Variants in FOXP2 observed in about 807,000 individuals in gnomAD.
FOXP2 encodes forkhead box protein P2.
In FOXP2, 12 loss-of-function variants were observed where a neutral mutation model predicts 115.8. The observed-to-expected ratio is 0.10, with a 90% confidence interval of 0.07 to 0.17. FOXP2 has a LOEUF of 0.17. FOXP2 is among the 10% of genes least tolerant of loss of function. The probability of loss-of-function intolerance (pLI) is 1.00; values close to 1 mark genes in which losing one functional copy is unlikely to be tolerated. For synonymous variants in FOXP2, 328 were observed against 297.7 expected (o/e 1.10, Z -1.05); for missense variants, 629 against 843.5 (o/e 0.75, Z 3.15).
At chr7:114,627,083 T>G (rs985830510) in intron 3 of FOXP2, among the ~76,000 whole-genome samples, 1 of 151,680 alleles carries the variant, frequency 6.6e-6, no homozygotes, top group African/African-American at 2.4e-5. Context: ...ATATGAAAGG[T>G]TTTGATTTAT....
At chr7:114,424,137 C>T (rs758846735) in intron 1 of FOXP2, among the ~76,000 whole-genome samples, 6 of 151,378 alleles carry the variant, frequency 4.0e-5, no homozygotes, top group Non-Finnish European at 8.9e-5. Flanking sequence ...GGTCTTTCTT[C>T]GTAATTGTAA....
At chr7:114,530,717 T>C (rs961627801) in intron 2 of FOXP2, among the ~76,000 whole-genome samples, 1 of 151,878 alleles carries the variant, frequency 6.6e-6, no homozygotes, top group Non-Finnish European at 1.5e-5. Context: ...ACCTACTCAT[T>C]AGAATTATTC....
chr7:114,191,696 C>T (rs1793765383), intron 1 of FOXP2, among the ~76,000 whole-genome samples: 1 of 152,194 alleles, frequency 6.6e-6, no homozygotes, highest in Non-Finnish European at 1.5e-5. Context: ...CCTCTCCCAA[C>T]ACAGTTTCCC....
chr7:114,507,167 T>C (rs1307589844), intron 2 of FOXP2, among the ~76,000 whole-genome samples: 1 of 151,520 alleles, frequency 6.6e-6, no homozygotes, highest in African/African-American at 2.4e-5. Flanking sequence ...CCCCCCCAAA[T>C]AAACCAAAAA....
At chr7:114,575,751 C>T (rs971963602) in intron 3 of FOXP2, among the ~76,000 whole-genome samples, 1 of 151,864 alleles carries the variant, frequency 6.6e-6, no homozygotes, top group Non-Finnish European at 1.5e-5. Flanking sequence ...GTTGAATTGC[C>T]TCTACTTTTT....
intron 7 of FOXP2, among the ~76,000 whole-genome samples, chr7:114,643,062 C>T (rs1005654266): frequency 2.6e-5 from 4 of 151,628 alleles, no homozygotes; most frequent in African/African-American, 4.8e-5. Flanking sequence ...CTTCCTGCTT[C>T]GGCCTCCCAA....
At chr7:114,094,992 C>T (rs915891923) in intron 1 of FOXP2, among the ~76,000 whole-genome samples, 1 of 152,114 alleles carries the variant, frequency 6.6e-6, no homozygotes, top group Non-Finnish European at 1.5e-5. Flanking sequence ...ACTCTCCTTT[C>T]CTTGTTGCGA....
intron 2 of FOXP2, among the ~76,000 whole-genome samples, chr7:114,492,303 T>C (rs1797100644): frequency 6.6e-6 from 1 of 152,172 alleles, no homozygotes; most frequent in Non-Finnish European, 1.5e-5. Flanking sequence ...CTTCTCTCTT[T>C]CCTTCTTTAT....
rs766115081 is a variant in FOXP2 at position 114,659,552 on chromosome 7, T to G, written c.1546-20T>G. On this transcript the variant is annotated intron_variant, in intron 12 of 16. Transcript: ENST00000350908. ...AGTAAACCATTATTTTATGTCACTA[T>G]GTATCTTGTCTCATTTCAGGCTATC... 2 of 1,604,760 alleles carry G rather than the reference T, an allele frequency of 1.2e-6. No individual in the cohort carries two copies. Among genetic ancestry groups the G allele is most frequent in the East Asian group, 4.5e-5 (2 of 44,778 alleles).
chr7:114,387,100 T>A (rs1280920634), intron 2 of FOXP2, among the ~76,000 whole-genome samples: 1 of 152,146 alleles, frequency 6.6e-6, no homozygotes, highest in Non-Finnish European at 1.5e-5. Flanking sequence ...GATAAGAAAA[T>A]ATAAATACAT....
chr7:114,419,288 T>C (rs1226506784), intron 1 of FOXP2, among the ~76,000 whole-genome samples: 1 of 151,988 alleles, frequency 6.6e-6, no homozygotes, highest in Non-Finnish European at 1.5e-5. Flanking sequence ...GTGGATTTCA[T>C]TTTACATAGG....
At chr7:114,390,073 A>G (rs1221268406) in intron 2 of FOXP2, among the ~76,000 whole-genome samples, 4 of 151,428 alleles carry the variant, frequency 2.6e-5, no homozygotes, top group Non-Finnish European at 5.9e-5. Context: ...AAGATTAGTG[A>G]CAGTGAAAGG....
intron 2 of FOXP2, among the ~76,000 whole-genome samples, chr7:114,453,366 A>G (rs1032355696): frequency 1.3e-5 from 2 of 151,914 alleles, no homozygotes; most frequent in Non-Finnish European, 2.9e-5. Flanking sequence ...TTTTTTGTTT[A>G]CTATCAGTAC....
At chr7:114,510,215 T>C (rs973891128) in intron 2 of FOXP2, among the ~76,000 whole-genome samples, 4 of 152,128 alleles carry the variant, frequency 2.6e-5, no homozygotes, top group Non-Finnish European at 5.9e-5. Context: ...TGAATCAAAA[T>C]TTTCATCTCA....
At chr7:114,200,511 C>T (rs751549225) in intron 1 of FOXP2, among the ~76,000 whole-genome samples, 2 of 152,164 alleles carry the variant, frequency 1.3e-5, no homozygotes, top group Admixed American at 1.3e-4. Flanking sequence ...TTGAACTATT[C>T]TCTGGCAAAA....
intron 1 of FOXP2, among the ~76,000 whole-genome samples, chr7:114,271,654 ATAT>A (rs1243835420): frequency 7.5e-5 from 9 of 120,042 alleles, no homozygotes; most frequent in East Asian, 2.2e-4. Flanking sequence ...ATTATTATAA[ATAT>A]TATTAAATAT....
At chr7:114,122,660 G>A (rs954999086) in intron 1 of FOXP2, among the ~76,000 whole-genome samples, 3 of 151,760 alleles carry the variant, frequency 2.0e-5, no homozygotes, top group African/African-American at 7.3e-5. Flanking sequence ...AAGGTTCAAA[G>A]GCATAGAAAT....
At chr7:114,537,641 G>A (rs1023322625) in intron 3 of FOXP2, among the ~76,000 whole-genome samples, 5 of 151,506 alleles carry the variant, frequency 3.3e-5, no homozygotes, top group African/African-American at 1.2e-4. Context: ...AGGATTTTGT[G>A]CTACAGATGG....
intron 16 of FOXP2, among the ~76,000 whole-genome samples, chr7:114,678,854 T>C (rs1048234201): frequency 3.9e-5 from 6 of 152,116 alleles, no homozygotes; most frequent in Non-Finnish European, 7.4e-5. Flanking sequence ...AAATAACAAA[T>C]ACAAAGATTC....
Sources: gnomAD v4.1 joint callset for allele counts (sites outside exome capture counted in the v4.1 genomes callset) on GRCh38, gnomAD v4.1.1 for gene constraint, MANE v1.5 for transcripts, NCBI Gene and HGNC (gene_info 2026-07-23, HGNC 2026-07-21) for gene names.